SPG11: variants seen among roughly 807,000 people sequenced by gnomAD.
The protein encoded by SPG11 is spatacsin.
SPG11 carries 222 observed loss-of-function variants against 274.0 expected under a neutral mutation model. That is an observed-to-expected ratio of 0.81 (90% CI 0.73 to 0.91). The LOEUF (loss-of-function observed/expected upper bound fraction) is 0.91. Among genes scored for constraint, SPG11 ranks in the 40% least tolerant of loss-of-function variants. The pLI, the probability that SPG11 is intolerant of heterozygous loss-of-function variation, is 0.00. For missense variants in SPG11, 3,114 were observed against 2,872.7 expected (o/e 1.08, Z -1.92); for synonymous variants, 1,144 against 1,039.7 (o/e 1.10, Z -1.93).
chr15:44,573,757 A>C lies in SPG11; in HGVS notation c.6007-12T>G. ...GAACAGCCCAACTCCTGAGAGGAAG[A>C]CAAAGCCAGTCAAGGCCACTTTTAG... On this transcript the variant is annotated splice_polypyrimidine_tract_variant and intron_variant, in intron 31 of 39. Transcript: ENST00000261866. 6.2e-7 allele frequency: 1 copy of C among 1,614,186 alleles called. No individual in the cohort carries two copies. The highest frequency in any genetic ancestry group is 8.5e-7 in the Non-Finnish European group (1 of 1,180,004).
intron 7 of SPG11, among the ~76,000 whole-genome samples, chr15:44,643,968 C>A (rs565483160): frequency 6.6e-6 from 1 of 152,086 alleles, no homozygotes; most frequent in South Asian, 2.1e-4. Flanking sequence ...TTGAGACCAT[C>A]CTGGCTAACA....
chr15:44,598,150 A>G (rs565972650), intron 23 of SPG11, 115 bp downstream of exon 23: 4 of 729,154 alleles, frequency 5.5e-6, no homozygotes, highest in African/African-American at 1.7e-5. Context: ...AAAGAAGAAG[A>G]TAAGGTCTAG....
intron 30 of SPG11, among the ~76,000 whole-genome samples, chr15:44,577,534 TTAAAGA>T (rs1168710642): frequency 6.7e-6 from 1 of 150,298 alleles, no homozygotes; most frequent in African/African-American, 2.4e-5. Context: ...ACAAAAACTC[TTAAAGA>T]TAAAAAAATA....
chr15:44,609,517 C>T (rs1016978529), intron 18 of SPG11, among the ~76,000 whole-genome samples: 3 of 152,114 alleles, frequency 2.0e-5, no homozygotes, highest in Non-Finnish European at 4.4e-5. Context: ...TCCCTCAATA[C>T]AGTTTATATG....
chr15:44,563,629 T>C (rs2140909167), intron 39 of SPG11, among the ~76,000 whole-genome samples: 1 of 151,674 alleles, frequency 6.6e-6, no homozygotes, highest in East Asian at 2.0e-4. Context: ...TGAGTCACTG[T>C]GGCTGCCCTT....
chr15:44,587,758 G>T (rs922183445), intron 28 of SPG11, among the ~76,000 whole-genome samples: 1 of 140,290 alleles, frequency 7.1e-6, no homozygotes, highest in Non-Finnish European at 1.5e-5. Flanking sequence ...TGTTAAATAC[G>T]CACACATAGT....
At chr15:44,597,636 C>T (rs1029893368) in intron 23 of SPG11, among the ~76,000 whole-genome samples, 31 of 152,274 alleles carry the variant, frequency 2.0e-4, no homozygotes, top group African/African-American at 7.2e-4. Context: ...TGGGCCTCCT[C>T]ACCAGGGGTA....
chr15:44,643,729 G>A (rs1238597857), intron 7 of SPG11, among the ~76,000 whole-genome samples: 2 of 151,874 alleles, frequency 1.3e-5, no homozygotes, highest in South Asian at 4.2e-4. Context: ...GGACACCATC[G>A]AGAAGGTGAA....
At chr15:44,580,324 T>C (rs77712134) in intron 30 of SPG11, among the ~76,000 whole-genome samples, 6,189 of 152,276 alleles carry the variant, frequency 0.041, 322 homozygotes, top group East Asian at 0.19. Context: ...ATAAGTGTGC[T>C]CTAAGATGTT....
intron 4 of SPG11, among the ~76,000 whole-genome samples, chr15:44,653,378 A>G (rs1037384230): frequency 6.6e-6 from 1 of 152,176 alleles, no homozygotes; most frequent in Non-Finnish European, 1.5e-5. Flanking sequence ...TGATGAAAAG[A>G]AGTTAGAGAA....
In SPG11 at chr15:44,563,157, C is replaced by A. The variant is rs1381142021; in HGVS notation, c.7296G>T (p.Gln2432His). Residue 2432 changes from glutamine (Q) to histidine (H), a missense_variant, in exon 40 of 40, where the codon CAG (glutamine) becomes CAT (histidine). Coordinates refer to ENST00000261866, the MANE Select transcript of SPG11 (RefSeq NM_025137.4). ...EIVNVLLKDP[Q>H]TGCCLKDMLA... ...GCATGTCCTTTAGACAGCAACCTGT[C>A]TGAGGGTCCTTCAGAAGCACATTTA... is the stretch of plus-strand genomic sequence containing the variant. 1 of 1,614,050 alleles carries A rather than the reference C, an allele frequency of 6.2e-7. No homozygotes were observed. Among genetic ancestry groups the A allele is most frequent in the Non-Finnish European group, 8.5e-7 (1 of 1,180,038 alleles).
At chr15:44,591,477 G>A (rs761130821) in intron 27 of SPG11, among the ~76,000 whole-genome samples, 2 of 152,246 alleles carry the variant, frequency 1.3e-5, no homozygotes, top group East Asian at 1.9e-4. Flanking sequence ...CTAAGAAGAG[G>A]AACAAATGTG....
At chr15:44,569,185 G>T (rs1029666343) in intron 35 of SPG11, among the ~76,000 whole-genome samples, 3 of 144,992 alleles carry the variant, frequency 2.1e-5, no homozygotes, top group African/African-American at 7.8e-5. Flanking sequence ...AAAAGAAAAA[G>T]AAAAAAAAAA....
chr15:44,604,482 G>A (rs1335686406), intron 20 of SPG11, among the ~76,000 whole-genome samples: 1 of 152,184 alleles, frequency 6.6e-6, no homozygotes, highest in Non-Finnish European at 1.5e-5. Context: ...TGTGGAGACT[G>A]CGTATAAGAG....
At chr15:44,649,036 T>A (rs1440530435) in intron 6 of SPG11, 25 bp from the exon 7 acceptor site, 2 of 1,584,606 alleles carry the variant, frequency 1.3e-6, no homozygotes, top group East Asian at 2.2e-5. Flanking sequence ...AAAGTTAGCT[T>A]TAACAAATTA....
chr15:44,565,660 C>G (rs1595816597), intron 38 of SPG11, among the ~76,000 whole-genome samples, 194 bp downstream of exon 38: 2 of 152,208 alleles, frequency 1.3e-5, no homozygotes, highest in African/African-American at 2.4e-5. Context: ...TTACCATTCT[C>G]TAACCTCTGC....
chr15:44,608,563 C>T lies in SPG11; in HGVS notation c.3334G>A (p.Asp1112Asn), dbSNP rs2083381120. ...AATGCCATCTTCAATAGCTGGGGAT[C>T]CACTTTCTTCAAACAGTTTTCATTT... ...EENENCLKKV[D>N]PQLLKMALTP... Residue 1112 changes from aspartate to asparagine, a missense_variant, in exon 19 of 40, where the codon GAT becomes AAT. Physicochemically the swap from Asp to Asn is conservative, Grantham distance 23. Transcript: ENST00000261866. The T allele has an allele frequency of 6.2e-7, 1 of 1,613,908 alleles. No individual in the cohort carries two copies. Among genetic ancestry groups the T allele is most frequent in the African/African-American group, 1.3e-5 (1 of 74,878 alleles).
intron 23 of SPG11, among the ~76,000 whole-genome samples, chr15:44,597,708 A>C (rs983351363): frequency 1.3e-5 from 2 of 152,230 alleles, no homozygotes; most frequent in Non-Finnish European, 2.9e-5. Flanking sequence ...TAGGATGTAC[A>C]GAAAAAGGGT....
intron 20 of SPG11, among the ~76,000 whole-genome samples, chr15:44,600,931 A>G (rs1410565014): frequency 6.6e-6 from 1 of 152,196 alleles, no homozygotes; most frequent in Non-Finnish European, 1.5e-5. Flanking sequence ...AGGCAGGCGG[A>G]TGACCTGAGG....
Sources: gnomAD v4.1 joint callset for allele counts (sites outside exome capture counted in the v4.1 genomes callset) on GRCh38, gnomAD v4.1.1 for gene constraint, MANE v1.5 for transcripts, NCBI Gene and HGNC (gene_info 2026-07-23, HGNC 2026-07-21) for gene names.